FAT3: variants seen among roughly 807,000 people sequenced by gnomAD.
The protein encoded by FAT3 is FAT atypical cadherin 3.
In FAT3, 95 loss-of-function variants were observed where a neutral mutation model predicts 310.2. The observed-to-expected ratio is 0.31, with a 90% CI of 0.26 to 0.36. FAT3 has a LOEUF of 0.36. FAT3 is among the 10% of genes least tolerant of loss of function. FAT3 has a pLI of 1.00. For missense variants in FAT3, 5,408 were observed against 5,715.6 expected (o/e 0.95, Z 1.74); for synonymous variants, 2,314 against 2,192.9 (o/e 1.06, Z -1.54).
Position 92,799,926 on chromosome 11 carries a change from C to A in FAT3, c.6913C>A (p.Pro2305Thr), listed in dbSNP as rs1230376509. ...TLSEASLIGT[P>T]VLQVVSIDAD... Reference sequence around the variant, plus strand: ...ATCAGAAGCATCTCTTATTGGGACACCTGTTTTACAAGTTGTCTCTATTGA... The same window carrying A: ...ATCAGAAGCATCTCTTATTGGGACAACTGTTTTACAAGTTGTCTCTATTGA... The change falls in exon 10 of 28, where the codon CCT becomes ACT. Residue 2305 changes from proline to threonine, a missense_variant. This residue lies in a region of FAT3 where 4,588 missense variants were observed against 4,809.8 expected (regional missense o/e 0.95). Coordinates refer to ENST00000525166, the MANE Select transcript of FAT3 (RefSeq NM_001367949.2). 1 of 1,612,682 alleles carries A rather than the reference C, an allele frequency of 6.2e-7. No homozygotes were observed. Among genetic ancestry groups the A allele is most frequent in the South Asian group, 1.1e-5 (1 of 90,890 alleles).
chr11:92,400,029 G>A (rs189547569), intron 2 of FAT3, among the ~76,000 whole-genome samples: 27 of 152,248 alleles, frequency 1.8e-4, no homozygotes, highest in African/African-American at 5.5e-4. Flanking sequence ...CAGACTATTG[G>A]CTTTCCTTGG....
intron 2 of FAT3, among the ~76,000 whole-genome samples, chr11:92,517,762 TA>T (rs996591683): frequency 6.7e-6 from 1 of 150,192 alleles, no homozygotes; most frequent in Non-Finnish European, 1.5e-5. Flanking sequence ...ACAAGGAACT[TA>T]AATTTACAAG....
chr11:92,309,473 A>G (rs1241671302), intron 1 of FAT3, among the ~76,000 whole-genome samples: 1 of 152,002 alleles, frequency 6.6e-6, no homozygotes, highest in African/African-American at 2.4e-5. Context: ...TGCAAGTAGG[A>G]TCGTTCAAAC....
chr11:92,246,395 G>GA lies in FAT3; in HGVS notation c.-18+21225dup, dbSNP rs557826324. ...ACCATGCACTGAAAAGGGAGCAGAT[G>GA]AAAATGTAGGAGAGGAGGGATAATT... On this transcript the variant is annotated intron_variant, in intron 1 of 27. Transcript: ENST00000525166. Among the ~76,000 whole-genome samples, 130 of 152,210 alleles carry GA rather than the reference G, an allele frequency of 8.5e-4. 1 individual carries two copies. Among genetic ancestry groups the GA allele is most frequent in the Admixed American group, 3.3e-3 (51 of 15,284 alleles).
rs1430434375 is a variant in FAT3 at position 92,890,623 on chromosome 11, A to G, written c.13280A>G (p.Tyr4427Cys). The change falls in exon 28 of 28, where the codon TAC (tyrosine) becomes TGC (cysteine). Residue 4427 changes from tyrosine to cysteine, a missense_variant. Tyr to Cys is a radical substitution (Grantham distance 194). Coordinates refer to ENST00000525166, the MANE Select transcript of FAT3 (RefSeq NM_001367949.2). ...ACACGGGAGCTGGAGAGCGATTACT[A>G]CCTGGGTGGTTATGACATTGACAGT... ...GSTRELESDY[Y>C]LGGYDIDSEY... 3.1e-6 allele frequency: 5 copies of G among 1,613,544 alleles called. No homozygotes were observed. In the East Asian group the frequency reaches 8.9e-5, roughly 29 times the overall value.
At chr11:92,670,091 A>G (rs1415283655) in intron 3 of FAT3, among the ~76,000 whole-genome samples, 1 of 152,306 alleles carries the variant, frequency 6.6e-6, no homozygotes, top group Non-Finnish European at 1.5e-5. Flanking sequence ...AGAAGATAAC[A>G]TAAAAGTGCT....
chr11:92,381,637 A>G (rs1591200708), intron 2 of FAT3, among the ~76,000 whole-genome samples: 1 of 152,170 alleles, frequency 6.6e-6, no homozygotes, highest in South Asian at 2.1e-4. Context: ...TCTGACTTTT[A>G]AGAAATAAAT....
At chr11:92,644,167 G>A (rs1942061546) in intron 3 of FAT3, among the ~76,000 whole-genome samples, 1 of 152,232 alleles carries the variant, frequency 6.6e-6, no homozygotes, top group Admixed American at 6.5e-5. Flanking sequence ...AGGGGTGGGG[G>A]TGCCTCTGAA....
chr11:92,544,263 T>A (rs1954547217), intron 3 of FAT3, among the ~76,000 whole-genome samples: 1 of 152,134 alleles, frequency 6.6e-6, no homozygotes, highest in Admixed American at 6.6e-5. Context: ...GTTACAAATA[T>A]GCACTTAGAT....
intron 2 of FAT3, among the ~76,000 whole-genome samples, chr11:92,412,435 G>T (rs1323319958): frequency 7.7e-5 from 7 of 90,640 alleles, no homozygotes; most frequent in Admixed American, 1.7e-4. Flanking sequence ...AGTTTACCTA[G>T]TGAAGTCGCA....
chr11:92,416,071 T>TATAA (rs1950404254), intron 2 of FAT3, among the ~76,000 whole-genome samples: 1 of 73,880 alleles, frequency 1.4e-5, no homozygotes, highest in African/African-American at 5.3e-5. Flanking sequence ...CCTGGAAGCC[T>TATAA]AAAAAAAAAA....
chr11:92,358,757 C>T (rs11019921), intron 2 of FAT3, among the ~76,000 whole-genome samples: 55,250 of 151,982 alleles, frequency 0.36, 14,614 homozygotes, highest in African/African-American at 0.75. Context: ...CTTGGTGCCA[C>T]TGAATTTTTA....
chr11:92,418,333 T>C (rs989444442), intron 2 of FAT3, among the ~76,000 whole-genome samples: 6 of 151,822 alleles, frequency 4.0e-5, no homozygotes, highest in Non-Finnish European at 8.8e-5. Flanking sequence ...AGCCAACTTT[T>C]GGTAGGCTAG....
intron 4 of FAT3, among the ~76,000 whole-genome samples, chr11:92,748,285 C>T (rs1565562188): frequency 6.6e-6 from 1 of 152,116 alleles, no homozygotes; most frequent in South Asian, 2.1e-4. Flanking sequence ...GACTTACTCA[C>T]TACCAGGAGA....
At chr11:92,306,606 T>A (rs1461106559) in intron 1 of FAT3, among the ~76,000 whole-genome samples, 2 of 126,966 alleles carry the variant, frequency 1.6e-5, no homozygotes, top group Non-Finnish European at 3.2e-5. Context: ...TATTATATAT[T>A]TATATTATAT....
chr11:92,587,581 G>T (rs1939218910), intron 3 of FAT3, among the ~76,000 whole-genome samples: 1 of 151,874 alleles, frequency 6.6e-6, no homozygotes. Context: ...AGCATATTTA[G>T]CATAACAAAA....
At chr11:92,258,673 C>A (rs1865411739) in intron 1 of FAT3, among the ~76,000 whole-genome samples, 1 of 151,930 alleles carries the variant, frequency 6.6e-6, no homozygotes. Flanking sequence ...AGTTGTGCAT[C>A]CCTAAAAAAT....
rs557238531 is a variant in FAT3, at chr11:92,805,969, T to C, written c.9094-393T>C. Among the ~76,000 whole-genome samples the C allele has an allele frequency of 7.2e-5, 11 of 152,328 alleles. No homozygotes were observed. The South Asian group carries it at 1.4e-3, about 20-fold the overall frequency. ...CTCTCATACTAATGCCAAATGCTGG[T>C]AGTGGCTCTTTAAAGAGTTGAAGAG... On this transcript the variant is annotated intron_variant, in intron 11 of 27. Transcript: ENST00000525166.
chr11:92,500,397 GTATT>G (rs1467647050), intron 2 of FAT3, among the ~76,000 whole-genome samples: 2 of 151,918 alleles, frequency 1.3e-5, no homozygotes, highest in Non-Finnish European at 2.9e-5. Context: ...AAAAATACCT[GTATT>G]TATCAGGACA....
Sources: allele counts gnomAD v4.1 joint callset (sites outside exome capture counted in the v4.1 genomes callset), GRCh38; gene constraint gnomAD v4.1.1; regional missense constraint gnomAD v4.1.1; transcripts MANE v1.5; gene names NCBI Gene and HGNC (gene_info 2026-07-23, HGNC 2026-07-21).